CAPZA2: variants seen among roughly 807,000 people sequenced by gnomAD.
CAPZA2 encodes F-actin-capping protein subunit alpha-2.
In CAPZA2, 13 loss-of-function variants were observed where a neutral mutation model predicts 44.0. The ratio of observed to expected loss-of-function variants is 0.30; its 90% CI spans 0.19 to 0.47. CAPZA2 has a LOEUF of 0.47. Among genes scored for constraint, CAPZA2 ranks in the 20% least tolerant of loss-of-function variants. CAPZA2 has a pLI of 1.00. For missense variants in CAPZA2, 244 were observed against 338.6 expected, an observed-to-expected ratio of 0.72 and a Z score of 2.19; for synonymous variants, 94 against 108.2, an observed-to-expected ratio of 0.87 and a Z score of 0.81.
At chr7:116,914,465 A>ACACACACACACACG (rs893739584) in intron 8 of CAPZA2, among the ~76,000 whole-genome samples, 3 of 150,712 alleles carry the variant, frequency 2.0e-5, no homozygotes, top group Admixed American at 6.6e-5. Flanking sequence ...ACACACACAC[A>ACACACACACACACG]CACACGTATT....
chr7:116,862,815 G>T (rs1796434355), intron 1 of CAPZA2, among the ~76,000 whole-genome samples, 165 bp downstream of exon 1: 1 of 152,036 alleles, frequency 6.6e-6, no homozygotes, highest in Admixed American at 6.5e-5. Context: ...GCCCCTGTCC[G>T]TCACCCGAGG....
intron 5 of CAPZA2, 136 bp from the exon 6 acceptor site, chr7:116,906,127 T>C: frequency 7.5e-7 from 1 of 1,325,482 alleles, no homozygotes; most frequent in South Asian, 1.6e-5. Context: ...AGCTACTATA[T>C]TGGAATGATG....
chr7:116,884,079 G>T (rs1266954889), intron 1 of CAPZA2, among the ~76,000 whole-genome samples: 1 of 152,124 alleles, frequency 6.6e-6, no homozygotes, highest in Admixed American at 6.5e-5. Flanking sequence ...ATAAGGAAAT[G>T]AAGATACTTA....
rs530568173 is a variant in CAPZA2 at position 116,921,359 on chromosome 7, C to A, written c.*3492C>A. ...ATTGTGCCACTGCACTCCAGGCTGG[C>A]GACAGAGCGAGACTCTGTCCCAAAA... On this transcript the variant is annotated 3_prime_UTR_variant, in exon 10 of 10. Coordinates refer to ENST00000361183, the MANE Select transcript of CAPZA2 (RefSeq NM_006136.3). 6.9e-6 allele frequency: 1 copy of A among 144,522 alleles called. No individual in the cohort carries two copies. Among genetic ancestry groups the A allele is most frequent in the African/African-American group, 2.6e-5 (1 of 37,978 alleles). 9.0% of individuals were successfully genotyped at this position (144,522 alleles called of 1,614,324 possible).
intron 3 of CAPZA2, among the ~76,000 whole-genome samples, chr7:116,895,117 A>G (rs910787282): frequency 2.6e-5 from 4 of 152,048 alleles, no homozygotes; most frequent in African/African-American, 7.2e-5. Flanking sequence ...TATGGATGCA[A>G]AGGAAACATA....
chr7:116,891,573 G>A (rs1021735907), intron 2 of CAPZA2, among the ~76,000 whole-genome samples: 1 of 152,134 alleles, frequency 6.6e-6, no homozygotes, highest in Non-Finnish European at 1.5e-5. Context: ...GTGCAGTGGC[G>A]TGATCTCGGC....
chr7:116,913,250 T>C (rs1483550514), intron 8 of CAPZA2, among the ~76,000 whole-genome samples: 1 of 152,222 alleles, frequency 6.6e-6, no homozygotes, highest in Non-Finnish European at 1.5e-5. Context: ...CTTGATGATA[T>C]TGTTTGCAAA....
At chr7:116,883,693 A>C (rs912787970) in intron 1 of CAPZA2, among the ~76,000 whole-genome samples, 7 of 152,216 alleles carry the variant, frequency 4.6e-5, no homozygotes, top group Admixed American at 1.3e-4. Flanking sequence ...CAGCAAGGGC[A>C]AATAAGTTCA....
rs1562965841 is a variant in CAPZA2 at position 116,921,138 on chromosome 7, C to G, written c.*3271C>G. The G allele has an allele frequency of 6.6e-6, 1 of 152,540 alleles. No individual in the cohort carries two copies. Among genetic ancestry groups the G allele is most frequent in the Non-Finnish European group, 1.5e-5 (1 of 68,360 alleles). The allele number at this position is 152,540 out of a possible 1,614,324, so 9.4% of individuals were successfully genotyped here. On this transcript the variant is annotated 3_prime_UTR_variant, in exon 10 of 10. Transcript: ENST00000361183. ...CAGTGGCTCATGCCTGTAATCCCAG[C>G]ACTTTAGGAGGCTGAGGTGGGTGGA...
chr7:116,910,395 T>C (rs1400401523), intron 7 of CAPZA2, 84 bp downstream of exon 7: 4 of 712,354 alleles, frequency 5.6e-6, no homozygotes, highest in South Asian at 1.6e-5. Flanking sequence ...TTTCATAGTA[T>C]ATCATACACA....
At position 116,862,661 on chromosome 7, in the gene CAPZA2, CG is replaced by C; in HGVS notation, c.39+16del. The stretch of plus-strand genomic sequence containing the variant: ...TCTGATGAAGAGAAGGTAAGAGTCG[CG>C]GGGGCGACGGCGCGGGCTGTCAGGA... On this transcript the variant is annotated intron_variant, in intron 1 of 9. Coordinates refer to ENST00000361183, the MANE Select transcript of CAPZA2 (RefSeq NM_006136.3). 2.6e-6 allele frequency: 4 copies of C among 1,537,882 alleles called. No homozygotes were observed. The highest frequency in any genetic ancestry group is 2.6e-5 in the East Asian group (1 of 39,084).
In CAPZA2 at chr7:116,920,337, T is replaced by C. The variant is rs1355215528; in HGVS notation, c.*2470T>C. On this transcript the variant is annotated 3_prime_UTR_variant, in exon 10 of 10. Coordinates refer to ENST00000361183, the MANE Select transcript of CAPZA2 (RefSeq NM_006136.3). ...CTATAGCTCAGGGATGTAATTTTAG[T>C]AGGAGACATTATGGCTGCTTTGCTG... 1 of 152,134 alleles carries C rather than the reference T, an allele frequency of 6.6e-6. No homozygotes were observed. Among genetic ancestry groups the C allele is most frequent in the East Asian group, 1.9e-4 (1 of 5,190 alleles). 9.4% of individuals were successfully genotyped at this position (152,134 alleles called of 1,614,324 possible).
At chr7:116,914,153 G>A (rs923214476) in intron 8 of CAPZA2, among the ~76,000 whole-genome samples, 8 of 146,416 alleles carry the variant, frequency 5.5e-5, no homozygotes, top group Non-Finnish European at 9.0e-5. Context: ...TCAGCCTCCC[G>A]AGTAGCTGGG....
chr7:116,881,267 A>G (rs1379187221), intron 1 of CAPZA2, among the ~76,000 whole-genome samples: 2 of 152,220 alleles, frequency 1.3e-5, no homozygotes, highest in Admixed American at 1.3e-4. Context: ...ATAGAGCCCT[A>G]TCGCACATCA....
intron 3 of CAPZA2, among the ~76,000 whole-genome samples, 155 bp downstream of exon 3, chr7:116,893,200 G>A (rs1415161611): frequency 1.3e-5 from 2 of 151,916 alleles, no homozygotes; most frequent in Non-Finnish European, 2.9e-5. Flanking sequence ...GTGCGATCTC[G>A]GCTCACTGCA....
At chr7:116,876,293 T>A (rs1562957325) in intron 1 of CAPZA2, 2 of 151,920 alleles carry the variant, frequency 1.3e-5, no homozygotes, top group African/African-American at 2.4e-5. Flanking sequence ...GAGGTTTGAC[T>A]GGCTCCTGAA....
chr7:116,905,138 CAAAA>C (rs1164804320), intron 5 of CAPZA2, among the ~76,000 whole-genome samples: 1 of 79,282 alleles, frequency 1.3e-5, no homozygotes, highest in African/African-American at 4.8e-5. Context: ...GACTCTGTCT[CAAAA>C]AAAAAAAAAA....
chr7:116,903,726 TG>T (rs1797024913), intron 4 of CAPZA2, among the ~76,000 whole-genome samples: 1 of 152,200 alleles, frequency 6.6e-6, no homozygotes, highest in Non-Finnish European at 1.5e-5. Flanking sequence ...GGTAAGACTG[TG>T]GGCCCAGAGG....
intron 1 of CAPZA2, among the ~76,000 whole-genome samples, chr7:116,867,508 A>G (rs976048735): frequency 3.3e-5 from 5 of 152,052 alleles, no homozygotes; most frequent in East Asian, 1.9e-4. Flanking sequence ...GACATTTTCA[A>G]TACGTATTGT....
Sources: allele counts gnomAD v4.1 joint callset (sites outside exome capture counted in the v4.1 genomes callset), GRCh38; gene constraint gnomAD v4.1.1; transcripts MANE v1.5; gene names NCBI Gene and HGNC (gene_info 2026-07-23, HGNC 2026-07-21).